Variants in IL4I1 observed in about 807,000 individuals in gnomAD.
IL4I1 encodes interleukin 4 induced 1, also known as L-amino-acid oxidase.
A neutral mutation model predicts 29.7 loss-of-function variants in IL4I1; 24 were observed. The observed-to-expected ratio is 0.81, with a 90% CI of 0.59 to 1.14. The LOEUF is 1.14. Ranked by LOEUF, IL4I1 falls within the 50% of genes most tolerant of loss-of-function variation. The pLI, the probability that IL4I1 is intolerant of heterozygous loss-of-function variation, is 0.00. For synonymous variants in IL4I1, 371 were observed against 352.5 expected, an observed-to-expected ratio of 1.05 and a Z score of -0.59; for missense variants, 686 against 785.6, an observed-to-expected ratio of 0.87 and a Z score of 1.52.
intron 2 of IL4I1, among the ~76,000 whole-genome samples, chr19:49,914,200 T>C (rs1277772841): frequency 6.6e-6 from 1 of 152,206 alleles, no homozygotes; most frequent in Non-Finnish European, 1.5e-5. Context: ...GGGAAGTTTC[T>C]CACAAATGCA....
At chr19:49,890,929 G>GGGCC in intron 7 of IL4I1, 42 bp downstream of exon 7, 2 of 454,450 alleles carry the variant, frequency 4.4e-6, no homozygotes, top group Non-Finnish European at 3.5e-6. Context: ...TTCCCTGATT[G>GGGCC]CCCCCCGCCC....
chr19:49,925,775 T>C (rs536575285), intron 2 of IL4I1, among the ~76,000 whole-genome samples: 1 of 152,320 alleles, frequency 6.6e-6, no homozygotes, highest in African/African-American at 2.4e-5. Flanking sequence ...TGATGTTGCC[T>C]TGGTTGTGAC....
intron 2 of IL4I1, among the ~76,000 whole-genome samples, chr19:49,912,341 G>GT (rs1302671933): frequency 6.6e-6 from 1 of 152,002 alleles, no homozygotes; most frequent in Non-Finnish European, 1.5e-5. Flanking sequence ...GCTAATTTTT[G>GT]TATTTTTAGT....
rs1242026790 is a variant in IL4I1 at position 49,894,317 on chromosome 19, T to G, written c.518A>C (p.Gln173Pro). The change falls in exon 5 of 8, where the codon CAG becomes CCG. Residue 173 changes from glutamine to proline, a missense_variant. Transcript: ENST00000391826. Reference sequence around the variant, plus strand: ...GTCTTCGGGCGAGTGGCCCTTTTCCTGGGGACGCAAGGCGTAGCCCAGCTT... The same window carrying G: ...GTCTTCGGGCGAGTGGCCCTTTTCCGGGGGACGCAAGGCGTAGCCCAGCTT... ...PEKLGYALRP[Q>P]EKGHSPEDIY... 3 of 1,614,182 alleles carry G rather than the reference T, an allele frequency of 1.9e-6. No individual in the cohort carries two copies. Among genetic ancestry groups the G allele is most frequent in the Non-Finnish European group, 2.5e-6 (3 of 1,180,026 alleles).
At chr19:49,896,098 G>A in intron 2 of IL4I1, 45 bp from the exon 3 acceptor site, 1 of 1,590,334 alleles carries the variant, frequency 6.3e-7, no homozygotes, top group African/African-American at 1.4e-5. Context: ...GCAGGTCGGG[G>A]GAGAGGGGTT....
At position 49,891,011 on chromosome 19, in the gene IL4I1, C is replaced by G; in HGVS notation, c.733G>C (p.Glu245Gln). 1.3e-6 allele frequency: 2 copies of G among 1,590,316 alleles called. No homozygotes were observed. Among genetic ancestry groups the G allele is most frequent in the African/African-American group, 1.4e-5 (1 of 73,574 alleles). Residue 245 changes from glutamate to glutamine, a missense_variant, in exon 7 of 8, where the codon GAG (glutamate) becomes CAG (glutamine). Physicochemically the swap from Glu to Gln is conservative, Grantham distance 29 (BLOSUM62 2). Transcript: ENST00000391826. The part of the protein sequence containing the change: ...EDGFFYLSFA[E>Q]ALRAHSCLSD... ...AGGCAGCTGTGGGCCCGGAGGGCCT[C>G]GGCGAAGCTGAGATAGAAGAAGCCA... is the stretch of plus-strand genomic sequence containing the variant.
chr19:49,918,682 G>A (rs1195468057), intron 2 of IL4I1: 3 of 152,264 alleles, frequency 2.0e-5, no homozygotes. Flanking sequence ...CCTCGGGGGA[G>A]AAGCTGTGAT....
At chr19:49,908,994 ATGT>A (rs760743188) in intron 2 of IL4I1, 4 of 1,609,856 alleles carry the variant, frequency 2.5e-6, no homozygotes, top group Non-Finnish European at 3.4e-6. Context: ...GCAGCGGTGG[ATGT>A]TGTTGTGGAG....
At chr19:49,891,360 ACT>A (rs1368161770) in intron 6 of IL4I1, 43 bp downstream of exon 6, 1 of 1,593,704 alleles carries the variant, frequency 6.3e-7, no homozygotes, top group Admixed American at 1.7e-5. Flanking sequence ...CCTCATGGTC[ACT>A]CTCTTTGCCC....
intron 2 of IL4I1, among the ~76,000 whole-genome samples, chr19:49,918,083 T>C: frequency 6.6e-6 from 1 of 151,810 alleles, no homozygotes; most frequent in East Asian, 1.9e-4. Context: ...TTTTTCTTTT[T>C]TTTTTTTTGA....
At position 49,908,812 on chromosome 19, in the gene IL4I1, C is replaced by G. The variant is rs1464942350; in HGVS notation, c.-227-4491G>C. The G allele has an allele frequency of 5.6e-6, 9 of 1,613,464 alleles. No homozygotes were observed. Among genetic ancestry groups the G allele is most frequent in the Non-Finnish European group, 4.2e-6 (5 of 1,180,048 alleles). ...TCCATTTGTTGATCAGGCTCTCCAG[C>G]TGCGCGTAGGTCATGGCGGAGCTGG... is the stretch of plus-strand genomic sequence containing the variant. On this transcript the variant is annotated intron_variant, in intron 2 of 9. Transcript: ENST00000341114.
At chr19:49,908,477 A>T in intron 2 of IL4I1, 2 of 1,614,058 alleles carry the variant, frequency 1.2e-6, no homozygotes, top group Non-Finnish European at 1.7e-6. Context: ...CATGCGCTTG[A>T]GCTGTGCATC....
upstream of IL4I1, among the ~76,000 whole-genome samples, chr19:49,898,954 G>A (rs987791784): frequency 1.7e-4 from 26 of 152,364 alleles, no homozygotes; most frequent in Middle Eastern, 3.4e-3. Flanking sequence ...GATGGCGAGA[G>A]GGTGGGACAG....
Position 49,913,746 on chromosome 19 carries a change from T to C in IL4I1, c.-227-9425A>G, listed in dbSNP as rs533603017. On this transcript the variant is annotated intron_variant, in intron 2 of 9. Coordinates refer to the IL4I1 transcript ENST00000341114. ...GAGTAGAAAGCTTTGCTGAGCTCTGTGAGTCTTAGCTCATCACTGAGCCGC... is the reference window on the plus strand; with the variant it reads ...GAGTAGAAAGCTTTGCTGAGCTCTGCGAGTCTTAGCTCATCACTGAGCCGC... Among the ~76,000 whole-genome samples the C allele has an allele frequency of 7.5e-4, 113 of 150,796 alleles. No individual in the cohort carries two copies. In the Middle Eastern group the frequency reaches 0.014, roughly 18 times the overall value.
At chr19:49,912,791 A>G (rs1444422840) in intron 2 of IL4I1, 1 of 149,086 alleles carries the variant, frequency 6.7e-6, no homozygotes, top group Non-Finnish European at 1.5e-5. Context: ...ACTGGAGCCC[A>G]GGGAGGTGGA....
At chr19:49,899,129 T>A (rs979603995), upstream of IL4I1, among the ~76,000 whole-genome samples, 4 of 152,208 alleles carry the variant, frequency 2.6e-5, no homozygotes, top group Admixed American at 2.6e-4. Flanking sequence ...CCTCACCAGG[T>A]CGGGTGGGCC....
upstream of IL4I1, among the ~76,000 whole-genome samples, chr19:49,900,254 GT>G (rs1342916054): frequency 1.3e-5 from 2 of 152,142 alleles, no homozygotes; most frequent in Non-Finnish European, 2.9e-5. Context: ...GACAGGCCAG[GT>G]GCCCCCAGTG....
At chr19:49,916,700 C>T (rs956211662) in intron 2 of IL4I1, among the ~76,000 whole-genome samples, 1 of 150,898 alleles carries the variant, frequency 6.6e-6, no homozygotes, top group African/African-American at 2.4e-5. Flanking sequence ...GGAGGCGGAG[C>T]TTGCAGTAAG....
At chr19:49,911,234 G>GGA (rs1267992027) in intron 2 of IL4I1, 1 of 152,288 alleles carries the variant, frequency 6.6e-6, no homozygotes, top group East Asian at 1.9e-4. Context: ...TTGACTGACT[G>GGA]GAGAAGGGAA....
Sources: allele counts gnomAD v4.1 joint callset (sites outside exome capture counted in the v4.1 genomes callset), GRCh38; gene constraint gnomAD v4.1.1; transcripts MANE v1.5; gene names NCBI Gene and HGNC (gene_info 2026-07-23, HGNC 2026-07-21).